The following C12orf50 variants were observed in gnomAD, a reference collection of about 807,000 sequenced individuals.
C12orf50 encodes the protein uncharacterized protein C12orf50.
Under a neutral mutation model 61.6 loss-of-function variants are expected in C12orf50, and 35 were observed. That is an observed-to-expected ratio of 0.57 (90% CI 0.43 to 0.75). C12orf50 has a LOEUF of 0.75. Ranked by LOEUF, C12orf50 falls within the 30% of genes least tolerant of loss-of-function variation. C12orf50 has a pLI of 0.00. For missense variants in C12orf50, 475 were observed against 488.5 expected (o/e 0.97, Z 0.26); for synonymous variants, 178 against 161.5 (o/e 1.10, Z -0.77).
At chr12:88,013,668 A>G (rs2032197610) in intron 3 of C12orf50, among the ~76,000 whole-genome samples, 1 of 152,242 alleles carries the variant, frequency 6.6e-6, no homozygotes, top group Non-Finnish European at 1.5e-5. Context: ...GAGAAAGTAA[A>G]TGTGACAAAA....
intron 3 of C12orf50, among the ~76,000 whole-genome samples, chr12:88,002,182 T>C (rs987785078): frequency 2.6e-5 from 4 of 151,848 alleles, no homozygotes; most frequent in Non-Finnish European, 5.9e-5. Flanking sequence ...AGTTTTGGTA[T>C]GCTATGTTTT....
intron 3 of C12orf50, among the ~76,000 whole-genome samples, chr12:88,002,252 G>T (rs2031683464): frequency 6.6e-6 from 1 of 151,566 alleles, no homozygotes; most frequent in Non-Finnish European, 1.5e-5. Flanking sequence ...TGATTTCTTG[G>T]TTATTTACAT....
chr12:88,023,401 C>G (rs2032589771), intron 3 of C12orf50, among the ~76,000 whole-genome samples: 1 of 151,756 alleles, frequency 6.6e-6, no homozygotes, highest in East Asian at 1.9e-4. Context: ...CACGGTGGCT[C>G]ATGCCTATAA....
chr12:88,004,006 T>C (rs1265512933), intron 3 of C12orf50, among the ~76,000 whole-genome samples: 1 of 152,140 alleles, frequency 6.6e-6, no homozygotes, highest in Admixed American at 6.5e-5. Flanking sequence ...TCAAATCTAC[T>C]GGTTCTTTCT....
At chr12:87,987,566 C>T (rs910629862) in intron 9 of C12orf50, among the ~76,000 whole-genome samples, 6 of 151,870 alleles carry the variant, frequency 4.0e-5, no homozygotes, top group African/African-American at 4.8e-5. Flanking sequence ...CCACTATGGG[C>T]GCAATTTAAA....
Position 88,006,852 on chromosome 12 carries a change from A to G in C12orf50, c.134-8662T>C, listed in dbSNP as rs544917603. ...GTTCTTGGCTGTATCCATTCAGAGT[A>G]GAGCTTCTGTCACACTAAACAGAGA... On this transcript the variant is annotated intron_variant, in intron 3 of 12. Coordinates refer to ENST00000298699, the MANE Select transcript of C12orf50 (RefSeq NM_152589.3). Among the ~76,000 whole-genome samples the G allele has an allele frequency of 2.0e-5, 3 of 152,330 alleles. No individual in the cohort carries two copies. The East Asian group carries it at 5.8e-4, about 29-fold the overall frequency.
intron 3 of C12orf50, among the ~76,000 whole-genome samples, chr12:88,016,148 C>T (rs2136477994): frequency 6.6e-6 from 1 of 152,150 alleles, no homozygotes; most frequent in African/African-American, 2.4e-5. Context: ...TAAAGTTTCA[C>T]AGGTTGCACA....
rs182200597 is a variant in C12orf50, at chr12:88,024,224, T to A, written c.133+2264A>T. Among the ~76,000 whole-genome samples the A allele has an allele frequency of 9.8e-4, 150 of 152,324 alleles. 3 individuals are homozygous for A. The highest frequency in any genetic ancestry group is 3.5e-3 in the African/African-American group (145 of 41,584). On this transcript the variant is annotated intron_variant, in intron 3 of 12. Transcript: ENST00000298699. ...CCACTGTGCAAAGCAATGTAGCAAT[T>A]ATTTGAAGAACTTAGAAGAGAATTA...
chr12:88,029,148 G>A, intron 1 of C12orf50, 192 bp downstream of exon 1: 1 of 1,250,348 alleles, frequency 8.0e-7, no homozygotes, highest in South Asian at 1.3e-5. Context: ...CTAATCCAAT[G>A]GTTTTTTTTT....
intron 3 of C12orf50, among the ~76,000 whole-genome samples, chr12:88,023,500 TAA>T (rs36117349): frequency 1.3e-4 from 17 of 133,858 alleles, no homozygotes; most frequent in African/African-American, 1.1e-4. Context: ...TCGTCTCTAC[TAA>T]AAAAAAAAAA....
In C12orf50 at chr12:87,980,326, C is replaced by G. The variant is rs772418408; in HGVS notation, c.*5G>C. 2 of 1,609,108 alleles carry G rather than the reference C, an allele frequency of 1.2e-6. No individual in the cohort carries two copies. The highest frequency in any genetic ancestry group is 8.5e-7 in the Non-Finnish European group (1 of 1,177,044). On this transcript the variant is annotated 3_prime_UTR_variant, in exon 13 of 13. Coordinates refer to ENST00000298699, the MANE Select transcript of C12orf50 (RefSeq NM_152589.3). Reference sequence around the variant, plus strand: ...TCTCATTTTTCTCTCTCTCAACCTCCAGGTTTACTTGCTCCCATTTCTTCT... The same window carrying G: ...TCTCATTTTTCTCTCTCTCAACCTCGAGGTTTACTTGCTCCCATTTCTTCT...
chr12:88,005,136 TTC>T (rs1304912663), intron 3 of C12orf50, among the ~76,000 whole-genome samples: 8 of 152,340 alleles, frequency 5.3e-5, no homozygotes, highest in African/African-American at 1.9e-4. Flanking sequence ...GATTATAATT[TTC>T]TGTTTCTTTG....
At chr12:88,022,415 T>C (rs1286977193) in intron 3 of C12orf50, among the ~76,000 whole-genome samples, 1 of 151,998 alleles carries the variant, frequency 6.6e-6, no homozygotes, top group African/African-American at 2.4e-5. Context: ...AAGCAAAAAC[T>C]GGAAGCATTC....
chr12:88,013,498 TA>T (rs2032191089), intron 3 of C12orf50, among the ~76,000 whole-genome samples: 1 of 152,190 alleles, frequency 6.6e-6, no homozygotes, highest in African/African-American at 2.4e-5. Context: ...TGCAGTTATA[TA>T]GGAGAATGCT....
At chr12:88,013,165 C>A (rs2032176320) in intron 3 of C12orf50, among the ~76,000 whole-genome samples, 1 of 151,924 alleles carries the variant, frequency 6.6e-6, no homozygotes, top group African/African-American at 2.4e-5. Context: ...AGAGACATGA[C>A]AACCAATTGC....
rs2032370441 is a variant in C12orf50 at position 88,017,892 on chromosome 12, C to T, written c.133+8596G>A. On this transcript the variant is annotated intron_variant, in intron 3 of 12. Transcript: ENST00000298699. Reference sequence around the variant, plus strand: ...TCTGGCAGAAGAAATTTCTAAGCAGCAAAGCATTCAAGAGGTGACTTGGGT... The same window carrying T: ...TCTGGCAGAAGAAATTTCTAAGCAGTAAAGCATTCAAGAGGTGACTTGGGT... 2.6e-5 allele frequency among the ~76,000 whole-genome samples: 4 copies of T among 151,988 alleles called. No homozygotes were observed. In the South Asian group the frequency reaches 8.3e-4, roughly 32 times the overall value.
chr12:88,021,884 T>C (rs996370547), intron 3 of C12orf50, among the ~76,000 whole-genome samples: 4 of 151,988 alleles, frequency 2.6e-5, no homozygotes, highest in Admixed American at 2.0e-4. Context: ...CAGGGCCAGA[T>C]AGATTCATAG....
chr12:88,004,823 C>T (rs1186979757), intron 3 of C12orf50, among the ~76,000 whole-genome samples: 1 of 152,134 alleles, frequency 6.6e-6, no homozygotes, highest in Non-Finnish European at 1.5e-5. Context: ...CAAGTGGGAG[C>T]TGAACATTGA....
intron 3 of C12orf50, among the ~76,000 whole-genome samples, chr12:88,024,440 A>G (rs748757296): frequency 6.6e-6 from 1 of 152,222 alleles, no homozygotes; most frequent in Non-Finnish European, 1.5e-5. Flanking sequence ...ATGGATTACT[A>G]CACGCCATAA....
Sources: allele counts gnomAD v4.1 joint callset (sites outside exome capture counted in the v4.1 genomes callset), GRCh38; gene constraint gnomAD v4.1.1; transcripts MANE v1.5; gene names NCBI Gene and HGNC (gene_info 2026-07-23, HGNC 2026-07-21).